Variants in MTUS1 observed in about 807,000 individuals in gnomAD.
MTUS1 encodes the protein microtubule associated scaffold protein 1.
In MTUS1, 109 loss-of-function variants were observed where a neutral mutation model predicts 120.8. That is an observed-to-expected ratio of 0.90 (90% CI 0.77 to 1.06). MTUS1 has a LOEUF of 1.06. MTUS1 is among the 50% of genes least tolerant of loss of function. The pLI is 0.00. For missense variants in MTUS1, 2,210 were observed against 1,486.3 expected (o/e 1.49, Z -8.01); for synonymous variants, 737 against 550.5 (o/e 1.34, Z -4.74).
intron 7 of MTUS1, among the ~76,000 whole-genome samples, chr8:17,681,083 G>A (rs528657284): frequency 2.7e-4 from 41 of 152,218 alleles, no homozygotes; most frequent in African/African-American, 9.9e-4. Context: ...ACAGGCACAT[G>A]CCACCACACA....
chr8:17,721,704 C>G, intron 4 of MTUS1: 1 of 1,547,182 alleles, frequency 6.5e-7, no homozygotes, highest in Non-Finnish European at 8.7e-7. Flanking sequence ...CAGAAATCGT[C>G]GACCTACTTT....
At chr8:17,734,957 T>C (rs2046827189) in intron 3 of MTUS1, among the ~76,000 whole-genome samples, 1 of 151,932 alleles carries the variant, frequency 6.6e-6, no homozygotes, top group Non-Finnish European at 1.5e-5. Context: ...TCTGTCACCC[T>C]GGCAGGAGCA....
chr8:17,763,650 G>A (rs927100662), intron 1 of MTUS1, among the ~76,000 whole-genome samples: 1 of 152,150 alleles, frequency 6.6e-6, no homozygotes, highest in South Asian at 2.1e-4. Context: ...ACTCGCTGGA[G>A]GCACTAAGGC....
intron 3 of MTUS1, among the ~76,000 whole-genome samples, chr8:17,730,675 T>C (rs919133228): frequency 6.6e-6 from 1 of 152,144 alleles, no homozygotes; most frequent in Non-Finnish European, 1.5e-5. Context: ...AGTTGACACA[T>C]GCTACAACAT....
At chr8:17,703,628 CA>C (rs140018758) in intron 6 of MTUS1, among the ~76,000 whole-genome samples, 142 of 115,108 alleles carry the variant, frequency 1.2e-3, no homozygotes, top group Middle Eastern at 5.3e-3. Context: ...GACTCTGTCT[CA>C]AAAAAAAAAA....
chr8:17,717,348 C>G (rs553723087), intron 4 of MTUS1, among the ~76,000 whole-genome samples: 39 of 152,204 alleles, frequency 2.6e-4, no homozygotes, highest in Admixed American at 1.3e-3. Context: ...TTAAAGACAC[C>G]GCCATTACAA....
At chr8:17,682,721 T>C (rs1814830977) in intron 7 of MTUS1, among the ~76,000 whole-genome samples, 2 of 152,010 alleles carry the variant, frequency 1.3e-5, no homozygotes, top group Admixed American at 1.3e-4. Flanking sequence ...AGGCTAGATA[T>C]AATAAAATAA....
chr8:17,702,254 A>G (rs1478839172), intron 6 of MTUS1, among the ~76,000 whole-genome samples: 1 of 152,252 alleles, frequency 6.6e-6, no homozygotes, highest in African/African-American at 2.4e-5. Context: ...AGGTGCTAAC[A>G]TTAAGAAATA....
intron 1 of MTUS1, among the ~76,000 whole-genome samples, chr8:17,787,634 C>A (rs1410947060): frequency 6.6e-6 from 1 of 152,250 alleles, no homozygotes; most frequent in Non-Finnish European, 1.5e-5. Flanking sequence ...TTCTTCGCCT[C>A]ATTTTCCTCA....
intron 2 of MTUS1, among the ~76,000 whole-genome samples, chr8:17,746,215 G>A (rs1297278438): frequency 1.3e-5 from 2 of 152,134 alleles, no homozygotes; most frequent in African/African-American, 4.8e-5. Flanking sequence ...CTTCCTACAT[G>A]ATCTTGGCTG....
chr8:17,774,629 C>G (rs188836150), intron 1 of MTUS1, among the ~76,000 whole-genome samples: 1 of 152,118 alleles, frequency 6.6e-6, no homozygotes, highest in East Asian at 1.9e-4. Flanking sequence ...AACCCCCTTG[C>G]GTTGCTGGTG....
chr8:17,738,809 C>G (rs1218566037), intron 3 of MTUS1, among the ~76,000 whole-genome samples: 2 of 152,066 alleles, frequency 1.3e-5, no homozygotes, highest in African/African-American at 4.8e-5. Context: ...GTTTCTAAAC[C>G]ATTCAGCTGG....
chr8:17,736,259 G>A lies in MTUS1; in HGVS notation c.2287+7345C>T, dbSNP rs79513167. On this transcript the variant is annotated intron_variant, in intron 3 of 14. Coordinates refer to ENST00000693296, the MANE Select transcript of MTUS1 (RefSeq NM_001363059.2). Reference sequence around the variant, plus strand: ...ATTTACAAGTGATGATGTCCGTGAGGATGAAAAGAGGACATGTGCCTCGCA... The same window carrying A: ...ATTTACAAGTGATGATGTCCGTGAGAATGAAAAGAGGACATGTGCCTCGCA... Among the ~76,000 whole-genome samples, 430 of 152,334 alleles carry A rather than the reference G, an allele frequency of 2.8e-3. 4 individuals carry two copies. The highest frequency in any genetic ancestry group is 9.5e-3 in the African/African-American group (397 of 41,578).
chr8:17,753,208 C>T (rs77276407), intron 2 of MTUS1, among the ~76,000 whole-genome samples: 14,749 of 152,080 alleles, frequency 0.097, 807 homozygotes, highest in East Asian at 0.15. Flanking sequence ...CATTATTGGC[C>T]GGTCAGAGGA....
At chr8:17,766,617 C>T (rs1431939263) in intron 1 of MTUS1, among the ~76,000 whole-genome samples, 3 of 152,186 alleles carry the variant, frequency 2.0e-5, no homozygotes, top group South Asian at 2.1e-4. Context: ...ATTTGTAGAA[C>T]GCATGGCAGG....
At chr8:17,751,054 C>T (rs1485161825) in intron 2 of MTUS1, among the ~76,000 whole-genome samples, 8 of 152,238 alleles carry the variant, frequency 5.3e-5, no homozygotes, top group Admixed American at 1.3e-4. Context: ...CGATGGCTCA[C>T]GCCTGTAATC....
intron 3 of MTUS1, among the ~76,000 whole-genome samples, chr8:17,728,755 G>C (rs2046373881): frequency 6.6e-6 from 1 of 151,984 alleles, no homozygotes; most frequent in South Asian, 2.1e-4. Flanking sequence ...TAAATGTTAG[G>C]GATGGATATG....
intron 3 of MTUS1, among the ~76,000 whole-genome samples, chr8:17,741,226 C>A (rs1274654986): frequency 6.6e-6 from 1 of 152,074 alleles, no homozygotes; most frequent in African/African-American, 2.4e-5. Context: ...GGATTAGGAT[C>A]CCACTCTTAT....
chr8:17,692,716 G>A (rs1817196853), intron 6 of MTUS1, among the ~76,000 whole-genome samples: 1 of 152,014 alleles, frequency 6.6e-6, no homozygotes. Flanking sequence ...ACAATAACTT[G>A]GGTGCTGGGC....
Sources: gnomAD v4.1 joint callset for allele counts (sites outside exome capture counted in the v4.1 genomes callset) on GRCh38, gnomAD v4.1.1 for gene constraint, MANE v1.5 for transcripts, NCBI Gene and HGNC (gene_info 2026-07-23, HGNC 2026-07-21) for gene names.